The following ARHGAP12 variants were observed in gnomAD, a reference collection of about 807,000 sequenced individuals.
The protein encoded by ARHGAP12 is rho GTPase-activating protein 12.
A neutral mutation model predicts 108.6 loss-of-function variants in ARHGAP12; 64 were observed. The observed-to-expected ratio is 0.59, with a 90% CI of 0.48 to 0.73. ARHGAP12 has a LOEUF of 0.73. ARHGAP12 is among the 30% of genes least tolerant of loss of function. The probability of loss-of-function intolerance (pLI) is 0.00; values close to 1 mark genes in which losing one functional copy is unlikely to be tolerated. For missense variants in ARHGAP12, 940 were observed against 1,005.9 expected, an observed-to-expected ratio of 0.93 and a Z score of 0.89; for synonymous variants, 312 against 337.2, an observed-to-expected ratio of 0.93 and a Z score of 0.82.
intron 3 of ARHGAP12, among the ~76,000 whole-genome samples, chr10:31,882,587 G>A (rs543975784): frequency 2.6e-5 from 4 of 152,148 alleles, no homozygotes; most frequent in East Asian, 3.9e-4. Context: ...GGCTGAGGCA[G>A]GCAAATCATG....
chr10:31,859,515 C>G (rs1207143441), intron 4 of ARHGAP12, among the ~76,000 whole-genome samples: 3 of 152,172 alleles, frequency 2.0e-5, no homozygotes, highest in Non-Finnish European at 4.4e-5. Flanking sequence ...CAACTTTTCT[C>G]AAGAAGTCGC....
intron 6 of ARHGAP12, 58 bp downstream of exon 6, chr10:31,852,459 T>A: frequency 7.9e-7 from 1 of 1,265,084 alleles, no homozygotes; most frequent in South Asian, 1.2e-5. Flanking sequence ...TGAAACCATC[T>A]CCAGATATTA....
intron 3 of ARHGAP12, among the ~76,000 whole-genome samples, chr10:31,902,945 T>C (rs1285231665): frequency 6.6e-6 from 1 of 152,116 alleles, no homozygotes; most frequent in East Asian, 1.9e-4. Context: ...TCCAATCAAA[T>C]GAAGGCCTGA....
chr10:31,839,601 GGA>G, intron 8 of ARHGAP12, 34 bp downstream of exon 8: 1 of 1,516,246 alleles, frequency 6.6e-7, no homozygotes, highest in Non-Finnish European at 9.0e-7. Flanking sequence ...TGAAATAACT[GGA>G]CTACATTATA....
chr10:31,841,494 T>C (rs1836265642), intron 7 of ARHGAP12, among the ~76,000 whole-genome samples: 1 of 152,170 alleles, frequency 6.6e-6, no homozygotes, highest in Non-Finnish European at 1.5e-5. Flanking sequence ...CTCATGATGC[T>C]GCACAGAGGC....
At chr10:31,840,482 T>C (rs1836219656) in intron 7 of ARHGAP12, among the ~76,000 whole-genome samples, 1 of 152,012 alleles carries the variant, frequency 6.6e-6, no homozygotes, top group Admixed American at 6.5e-5. Flanking sequence ...GTAGCCCACC[T>C]CCACTTAAAT....
chr10:31,864,577 GAATA>G (rs958101997), intron 3 of ARHGAP12, among the ~76,000 whole-genome samples: 1 of 152,128 alleles, frequency 6.6e-6, no homozygotes, highest in Non-Finnish European at 1.5e-5. Flanking sequence ...TTTGTTGAAT[GAATA>G]AACAAACTAA....
chr10:31,852,416 A>AC, intron 6 of ARHGAP12, 101 bp downstream of exon 6: 4 of 996,438 alleles, frequency 4.0e-6, no homozygotes, highest in Non-Finnish European at 4.7e-6. Context: ...TCTACTTTGT[A>AC]AAAGTAGAAT....
intron 14 of ARHGAP12, 56 bp from the exon 15 acceptor site, chr10:31,812,879 A>G: frequency 1.0e-6 from 1 of 975,866 alleles, no homozygotes; most frequent in Non-Finnish European, 1.5e-6. Flanking sequence ...TTTTTGATAC[A>G]AGTTTTTCCA....
intron 1 of ARHGAP12, among the ~76,000 whole-genome samples, chr10:31,914,788 G>A (rs1345036143): frequency 6.6e-6 from 1 of 152,030 alleles, no homozygotes; most frequent in Non-Finnish European, 1.5e-5. Context: ...TCCACTACTG[G>A]GCATATATTC....
At chr10:31,903,787 C>T (rs887035400) in intron 3 of ARHGAP12, among the ~76,000 whole-genome samples, 80 of 151,042 alleles carry the variant, frequency 5.3e-4, no homozygotes, top group African/African-American at 1.9e-3. Context: ...CAATCCAATT[C>T]GAAAATGGGC....
At chr10:31,919,313 G>A (rs1232486803) in intron 1 of ARHGAP12, among the ~76,000 whole-genome samples, 1 of 152,102 alleles carries the variant, frequency 6.6e-6, no homozygotes, top group Non-Finnish European at 1.5e-5. Context: ...GTGATGGCTG[G>A]ACAACAAAGT....
At chr10:31,924,420 G>T (rs942048896) in intron 1 of ARHGAP12, among the ~76,000 whole-genome samples, 3 of 152,160 alleles carry the variant, frequency 2.0e-5, no homozygotes, top group Non-Finnish European at 4.4e-5. Context: ...AAGCATGATA[G>T]ATGGTATCAC....
rs1272555085 is a variant in ARHGAP12, at chr10:31,896,091, G to A, written c.684+12081C>T. Among the ~76,000 whole-genome samples, 6 of 151,972 alleles carry A rather than the reference G, an allele frequency of 3.9e-5. No individual in the cohort carries two copies. The East Asian group carries it at 1.2e-3, about 29-fold the overall frequency. On this transcript the variant is annotated intron_variant, in intron 3 of 19. Coordinates refer to ENST00000344936, the MANE Select transcript of ARHGAP12 (RefSeq NM_018287.7). ...ACATCACACACCGGGGCCTGTTGTG[G>A]GGTGGGGGGAGCGGGGAGGGATAGC... is the stretch of plus-strand genomic sequence containing the variant.
At chr10:31,832,260 T>C (rs1835861726) in intron 9 of ARHGAP12, among the ~76,000 whole-genome samples, 1 of 152,206 alleles carries the variant, frequency 6.6e-6, no homozygotes, top group African/African-American at 2.4e-5. Context: ...CCAAATACTG[T>C]GTCTGTATTT....
chr10:31,892,446 G>A (rs1838488470), intron 3 of ARHGAP12, among the ~76,000 whole-genome samples: 2 of 150,642 alleles, frequency 1.3e-5, no homozygotes, highest in South Asian at 4.2e-4. Context: ...ACAAAAAAAA[G>A]GCAGTCCTAG....
intron 12 of ARHGAP12, 47 bp downstream of exon 12, chr10:31,820,340 A>T: frequency 6.9e-7 from 1 of 1,445,194 alleles, no homozygotes; most frequent in East Asian, 2.4e-5. Context: ...CAGAACATCC[A>T]ATTACTACAG....
chr10:31,898,719 A>G (rs950004807), intron 3 of ARHGAP12, among the ~76,000 whole-genome samples: 4 of 152,228 alleles, frequency 2.6e-5, no homozygotes, highest in Non-Finnish European at 5.9e-5. Context: ...AGTATTCAGG[A>G]CAGTCACATG....
intron 3 of ARHGAP12, among the ~76,000 whole-genome samples, chr10:31,897,500 C>A (rs1301948253): frequency 6.6e-6 from 1 of 151,958 alleles, no homozygotes; most frequent in African/African-American, 2.4e-5. Context: ...GGTGGGGGCG[C>A]CTACCTTAAG....
Sources: gnomAD v4.1 joint callset for allele counts (sites outside exome capture counted in the v4.1 genomes callset) on GRCh38, gnomAD v4.1.1 for gene constraint, MANE v1.5 for transcripts, NCBI Gene and HGNC (gene_info 2026-07-23, HGNC 2026-07-21) for gene names.